Variants in CTNNA3 observed in about 807,000 individuals in gnomAD.
The protein encoded by CTNNA3 is catenin alpha-3.
In CTNNA3, 76 loss-of-function variants were observed where a neutral mutation model predicts 95.7. The observed-to-expected ratio is 0.79, with a 90% CI of 0.66 to 0.96. The LOEUF (loss-of-function observed/expected upper bound fraction) is 0.96, where lower values mean the gene tolerates loss of function less well. Ranked by LOEUF, CTNNA3 falls within the 40% of genes least tolerant of loss-of-function variation. The pLI is 0.00. For missense variants in CTNNA3, 1,191 were observed against 1,089.8 expected (o/e 1.09, Z -1.31); for synonymous variants, 431 against 374.4 (o/e 1.15, Z -1.74).
intron 1 of CTNNA3, among the ~76,000 whole-genome samples, chr10:67,743,020 A>C (rs2133643002): frequency 6.6e-6 from 1 of 151,466 alleles, no homozygotes; most frequent in East Asian, 1.9e-4. Context: ...ATAGCTTACC[A>C]ACCAAAAACA....
rs144277180 is a variant in CTNNA3, at chr10:67,146,161, C to A, written c.1047+34156G>T. 5.5e-3 allele frequency among the ~76,000 whole-genome samples: 843 copies of A among 152,256 alleles called. 10 individuals are homozygous for A. Among genetic ancestry groups the A allele is most frequent in the African/African-American group, 0.019 (793 of 41,532 alleles). On this transcript the variant is annotated intron_variant, in intron 7 of 17. Coordinates refer to ENST00000433211, the MANE Select transcript of CTNNA3 (RefSeq NM_013266.4). The stretch of plus-strand genomic sequence containing the variant: ...TTGCATTAAAATAATGTTGAAATGA[C>A]TTGGCTCAAAAGCATTAAGTGAAGA...
intron 9 of CTNNA3, among the ~76,000 whole-genome samples, chr10:66,710,505 C>T (rs936473871): frequency 2.0e-5 from 3 of 151,694 alleles, no homozygotes; most frequent in Admixed American, 1.3e-4. Context: ...GTTTAGAGTA[C>T]ACGAAATTAT....
chr10:66,378,322 A>T, intron 12 of CTNNA3, among the ~76,000 whole-genome samples: 1 of 152,130 alleles, frequency 6.6e-6, no homozygotes, highest in African/African-American at 2.4e-5. Context: ...CGATGACTTA[A>T]GGTTGGAATT....
chr10:66,677,796 G>C (rs1332040540), intron 9 of CTNNA3, among the ~76,000 whole-genome samples: 1 of 151,908 alleles, frequency 6.6e-6, no homozygotes, highest in Non-Finnish European at 1.5e-5. Context: ...CCCGGTCTCT[G>C]GTATGTCTTT....
In CTNNA3 at chr10:66,507,968, A is replaced by T. The variant is rs115487928; in HGVS notation, c.1531+12649T>A. 8.9e-3 allele frequency among the ~76,000 whole-genome samples: 1,350 copies of T among 152,102 alleles called. 26 individuals carry two copies. The highest frequency in any genetic ancestry group is 0.03 in the African/African-American group (1,262 of 41,524). On this transcript the variant is annotated intron_variant, in intron 11 of 17. Transcript: ENST00000433211. Reference sequence around the variant, plus strand: ...AATAGCTGTACTAATTAACATTCCCACTAACAGTACATAAGAATTCCCCTT... The same window carrying T: ...AATAGCTGTACTAATTAACATTCCCTCTAACAGTACATAAGAATTCCCCTT...
intron 7 of CTNNA3, among the ~76,000 whole-genome samples, chr10:66,821,818 C>T (rs960399089): frequency 1.3e-5 from 2 of 152,114 alleles, no homozygotes; most frequent in African/African-American, 4.8e-5. Context: ...ACACCATTTG[C>T]TCTAGTCAAC....
At chr10:66,881,964 T>C (rs1337834041) in intron 7 of CTNNA3, among the ~76,000 whole-genome samples, 1 of 152,084 alleles carries the variant, frequency 6.6e-6, no homozygotes, top group Non-Finnish European at 1.5e-5. Flanking sequence ...TAGCCTGAAA[T>C]AGTTCAGAAA....
intron 11 of CTNNA3, among the ~76,000 whole-genome samples, chr10:66,513,224 C>T (rs1381919054): frequency 6.6e-6 from 1 of 151,972 alleles, no homozygotes; most frequent in Non-Finnish European, 1.5e-5. Flanking sequence ...TTGCCTAATT[C>T]GCTTATTTCA....
intron 9 of CTNNA3, among the ~76,000 whole-genome samples, chr10:66,633,180 T>A (rs540745181): frequency 6.6e-6 from 1 of 152,298 alleles, no homozygotes; most frequent in South Asian, 2.1e-4. Context: ...CATTCAGAAA[T>A]ACTTGCATAT....
At chr10:66,663,380 C>A (rs1846329944) in intron 9 of CTNNA3, among the ~76,000 whole-genome samples, 1 of 151,768 alleles carries the variant, frequency 6.6e-6, no homozygotes, top group African/African-American at 2.4e-5. Flanking sequence ...CCATCGTCCT[C>A]CAAATTTGTC....
intron 1 of CTNNA3, among the ~76,000 whole-genome samples, chr10:67,685,506 C>T (rs776144644): frequency 2.0e-5 from 3 of 152,136 alleles, no homozygotes; most frequent in Middle Eastern, 3.2e-3. Flanking sequence ...CTGGTTGGAC[C>T]TTTGTATGGT....
At chr10:66,231,373 C>T (rs139375786) in intron 13 of CTNNA3, among the ~76,000 whole-genome samples, 1 of 152,184 alleles carries the variant, frequency 6.6e-6, no homozygotes, top group Admixed American at 6.5e-5. Flanking sequence ...AAAAAAAAAT[C>T]ATAAGATTTA....
At chr10:67,014,776 A>C (rs1034821346) in intron 7 of CTNNA3, among the ~76,000 whole-genome samples, 3 of 152,094 alleles carry the variant, frequency 2.0e-5, no homozygotes, top group Non-Finnish European at 4.4e-5. Context: ...TTATCAGAAA[A>C]AAAACAGCCA....
chr10:67,552,135 T>C (rs1314559329), intron 3 of CTNNA3, among the ~76,000 whole-genome samples: 1 of 152,248 alleles, frequency 6.6e-6, no homozygotes, highest in African/African-American at 2.4e-5. Context: ...TTATCTCATA[T>C]AATGTGCTAG....
At chr10:65,991,854 T>C (rs1460190718) in intron 15 of CTNNA3, among the ~76,000 whole-genome samples, 1 of 152,108 alleles carries the variant, frequency 6.6e-6, no homozygotes, top group African/African-American at 2.4e-5. Flanking sequence ...CTTTCAGCTT[T>C]GTTCCAATCA....
intron 13 of CTNNA3, among the ~76,000 whole-genome samples, chr10:66,133,541 A>G (rs914531653): frequency 6.6e-6 from 1 of 151,882 alleles, no homozygotes; most frequent in African/African-American, 2.4e-5. Context: ...CAAAAAACAA[A>G]AAAAACAGAA....
At chr10:67,099,892 T>C (rs1858240196) in intron 7 of CTNNA3, 1 of 151,772 alleles carries the variant, frequency 6.6e-6, no homozygotes, top group Non-Finnish European at 1.5e-5. Flanking sequence ...CTTTACGTCG[T>C]TAGCAAATTT....
intron 3 of CTNNA3, among the ~76,000 whole-genome samples, chr10:67,553,341 C>G (rs1009029165): frequency 1.3e-5 from 2 of 152,076 alleles, no homozygotes; most frequent in African/African-American, 4.8e-5. Flanking sequence ...CTAACTGGTA[C>G]TTTGAAGTCA....
chr10:66,329,804 C>T (rs2092302853), intron 12 of CTNNA3, among the ~76,000 whole-genome samples: 2 of 151,888 alleles, frequency 1.3e-5, no homozygotes, highest in Non-Finnish European at 2.9e-5. Flanking sequence ...ACTTTATTTA[C>T]TTTATATAAT....
Sources: gnomAD v4.1 joint callset for allele counts (sites outside exome capture counted in the v4.1 genomes callset) on GRCh38, gnomAD v4.1.1 for gene constraint, MANE v1.5 for transcripts, NCBI Gene and HGNC (gene_info 2026-07-23, HGNC 2026-07-21) for gene names.